The following KANSL1 variants were observed in gnomAD, a reference collection of about 807,000 sequenced individuals.
KANSL1 encodes the protein MLL1/MLL complex subunit KANSL1.
A neutral mutation model predicts 103.6 loss-of-function variants in KANSL1; 22 were observed. That is an observed-to-expected ratio of 0.21 (90% CI 0.15 to 0.30). The LOEUF (loss-of-function observed/expected upper bound fraction) is 0.30, where lower values mean the gene tolerates loss of function less well. KANSL1 is among the 10% of genes least tolerant of loss of function. The pLI, the probability that KANSL1 is intolerant of heterozygous loss-of-function variation, is 1.00. For missense variants in KANSL1, 1,337 were observed against 1,399.8 expected (o/e 0.96, Z 0.72); for synonymous variants, 600 against 527.6 (o/e 1.14, Z -1.88).
At chr17:46,117,243 T>C (rs1486405276) in intron 2 of KANSL1, among the ~76,000 whole-genome samples, 1 of 152,204 alleles carries the variant, frequency 6.6e-6, no homozygotes, top group Non-Finnish European at 1.5e-5. Flanking sequence ...ACCCTGAGAA[T>C]TCCATGCTGA....
intron 2 of KANSL1, among the ~76,000 whole-genome samples, chr17:46,114,664 G>C (rs779924030): frequency 2.0e-5 from 3 of 152,216 alleles, no homozygotes; most frequent in Non-Finnish European, 4.4e-5. Flanking sequence ...ATACACTCTT[G>C]ATAGAGCTAT....
intron 2 of KANSL1, among the ~76,000 whole-genome samples, chr17:46,125,746 A>G (rs990116181): frequency 6.6e-6 from 1 of 152,204 alleles, no homozygotes; most frequent in Non-Finnish European, 1.5e-5. Flanking sequence ...CTTTTGATCA[A>G]TTAGTGTGAT....
At chr17:46,187,716 T>A (rs990591180) in intron 1 of KANSL1, among the ~76,000 whole-genome samples, 1 of 152,230 alleles carries the variant, frequency 6.6e-6, no homozygotes. Context: ...AAACAACTAT[T>A]TTGCCGCATT....
At chr17:46,216,573 T>A (rs2469914) in intron 1 of KANSL1, among the ~76,000 whole-genome samples, 1 of 138,376 alleles carries the variant, frequency 7.2e-6, no homozygotes, top group Non-Finnish European at 1.5e-5. Flanking sequence ...CACTCCAGCC[T>A]GGGCAAAAGA....
intron 2 of KANSL1, among the ~76,000 whole-genome samples, chr17:46,165,687 T>A (rs138396315): frequency 6.6e-6 from 1 of 151,408 alleles, no homozygotes; most frequent in Non-Finnish European, 1.5e-5. Context: ...ATTTTTGAAT[T>A]TTTGGTAGAG....
intron 2 of KANSL1, among the ~76,000 whole-genome samples, chr17:46,158,872 G>C (rs946628971): frequency 6.6e-6 from 1 of 152,198 alleles, no homozygotes; most frequent in African/African-American, 2.4e-5. Flanking sequence ...TAACACTCCA[G>C]CAATAGCTTG....
chr17:46,149,895 G>A (rs539794552), intron 2 of KANSL1, among the ~76,000 whole-genome samples: 319 of 151,816 alleles, frequency 2.1e-3, no homozygotes, highest in African/African-American at 6.7e-3. Flanking sequence ...GGTGGCGGGC[G>A]CCTGTAATCC....
chr17:46,111,645 T>C (rs2042811522), intron 2 of KANSL1, among the ~76,000 whole-genome samples: 1 of 152,192 alleles, frequency 6.6e-6, no homozygotes, highest in Non-Finnish European at 1.5e-5. Context: ...ATACAACATA[T>C]ACATCCAAGT....
At chr17:46,155,889 C>T (rs1239923731) in intron 2 of KANSL1, among the ~76,000 whole-genome samples, 1 of 152,146 alleles carries the variant, frequency 6.6e-6, no homozygotes, top group Non-Finnish European at 1.5e-5. Context: ...GCTATGATCA[C>T]GCCACTGCAC....
At chr17:46,105,702 T>G (rs2042504909) in intron 2 of KANSL1, among the ~76,000 whole-genome samples, 3 of 151,716 alleles carry the variant, frequency 2.0e-5, no homozygotes, top group Admixed American at 1.3e-4. Context: ...ACCCCATGTC[T>G]CTACAAAAAA....
At chr17:46,032,515 C>T in intron 13 of KANSL1, 1 of 461,716 alleles carries the variant, frequency 2.2e-6, no homozygotes, top group Non-Finnish European at 3.8e-6. Context: ...TGAACAATGC[C>T]AGGTGAGTCC....
intron 4 of KANSL1, among the ~76,000 whole-genome samples, chr17:46,080,017 G>A (rs1379555021): frequency 6.6e-6 from 1 of 151,622 alleles, no homozygotes; most frequent in African/African-American, 2.4e-5. Context: ...AGAGAGGGGA[G>A]AGAGAGACAG....
At chr17:46,106,174 CTG>C (rs940500194) in intron 2 of KANSL1, among the ~76,000 whole-genome samples, 2 of 152,182 alleles carry the variant, frequency 1.3e-5, no homozygotes, top group African/African-American at 4.8e-5. Context: ...TCAGTGAACA[CTG>C]AGTTCCAAAT....
chr17:46,090,423 T>A (rs1233197659), intron 3 of KANSL1, among the ~76,000 whole-genome samples: 2 of 152,266 alleles, frequency 1.3e-5, no homozygotes, highest in Non-Finnish European at 2.9e-5. Flanking sequence ...CACGTAAAGC[T>A]GTGAATTTTC....
At chr17:46,131,412 T>C (rs1176942635) in intron 2 of KANSL1, among the ~76,000 whole-genome samples, 1 of 152,244 alleles carries the variant, frequency 6.6e-6, no homozygotes, top group Non-Finnish European at 1.5e-5. Flanking sequence ...TTTCCCTCAA[T>C]AAAATTACAT....
intron 1 of KANSL1, among the ~76,000 whole-genome samples, chr17:46,214,830 G>A (rs2048290822): frequency 6.6e-6 from 1 of 152,244 alleles, no homozygotes. Context: ...AACAGTTTCA[G>A]AGATTGTCCC....
intron 3 of KANSL1, among the ~76,000 whole-genome samples, chr17:46,086,498 G>A (rs752292915): frequency 2.0e-5 from 3 of 152,196 alleles, no homozygotes; most frequent in Non-Finnish European, 4.4e-5. Context: ...AAGAAAAAAT[G>A]AGAGACCTAT....
chr17:46,119,455 C>T (rs963792990), intron 2 of KANSL1, among the ~76,000 whole-genome samples: 4 of 151,878 alleles, frequency 2.6e-5, no homozygotes, highest in Non-Finnish European at 2.9e-5. Flanking sequence ...TACAGGTGCA[C>T]GCCACCACGT....
chr17:46,074,579 C>A (rs554522208), intron 4 of KANSL1, among the ~76,000 whole-genome samples: 2 of 151,238 alleles, frequency 1.3e-5, no homozygotes, highest in Admixed American at 1.3e-4. Context: ...CCAGCCAGGG[C>A]AAAATGGCAA....
Sources: allele counts gnomAD v4.1 joint callset (sites outside exome capture counted in the v4.1 genomes callset), GRCh38; gene constraint gnomAD v4.1.1; transcripts MANE v1.5; gene names NCBI Gene and HGNC (gene_info 2026-07-23, HGNC 2026-07-21).